The following ZNF423 variants were observed in gnomAD, a reference collection of about 807,000 sequenced individuals.
ZNF423 encodes the protein zinc finger protein 423, also known as Ebf-associated zinc finger protein.
In ZNF423, 12 loss-of-function variants were observed where a neutral mutation model predicts 95.8. That is an observed-to-expected ratio of 0.13 (90% CI 0.08 to 0.20). ZNF423 has a LOEUF of 0.20. Ranked by LOEUF, ZNF423 falls within the 10% of genes least tolerant of loss-of-function variation. The pLI is 1.00. For missense variants in ZNF423, 1,316 were observed against 1,737.1 expected, an observed-to-expected ratio of 0.76 and a Z score of 4.31; for synonymous variants, 749 against 711.9, an observed-to-expected ratio of 1.05 and a Z score of -0.83.
intron 2 of ZNF423, chr16:49,764,468 G>A (rs1218550581): frequency 6.5e-6 from 1 of 153,970 alleles, no homozygotes; most frequent in Non-Finnish European, 1.5e-5. Flanking sequence ...AAAACATCTG[G>A]AGTTCATTGC....
chr16:49,851,632 T>C (rs981238275), intron 1 of ZNF423, among the ~76,000 whole-genome samples: 9 of 152,250 alleles, frequency 5.9e-5, no homozygotes, highest in African/African-American at 2.2e-4. Flanking sequence ...CAGGGCTGGC[T>C]GCTTCTTCTG....
intron 5 of ZNF423, among the ~76,000 whole-genome samples, chr16:49,531,786 T>A (rs1968854303): frequency 6.6e-6 from 1 of 152,000 alleles, no homozygotes; most frequent in South Asian, 2.1e-4. Context: ...AGGTGAGTGG[T>A]GATGGAGGAT....
intron 7 of ZNF423, chr16:49,518,665 T>C: frequency 5.3e-6 from 2 of 376,842 alleles, no homozygotes; most frequent in African/African-American, 2.1e-5. Context: ...CTGTTTTCTA[T>C]GGCGATATAT....
chr16:49,543,642 G>A (rs990541193), intron 5 of ZNF423, among the ~76,000 whole-genome samples: 4 of 152,340 alleles, frequency 2.6e-5, no homozygotes, highest in African/African-American at 4.8e-5. Context: ...GGCGCCTGGC[G>A]GGTGGGCGGG....
intron 3 of ZNF423, among the ~76,000 whole-genome samples, chr16:49,662,607 T>A (rs1361419035): frequency 6.6e-6 from 1 of 152,196 alleles, no homozygotes; most frequent in African/African-American, 2.4e-5. Context: ...GGAGACTAAA[T>A]CTTCCTGCTG....
intron 7 of ZNF423, among the ~76,000 whole-genome samples, chr16:49,500,893 C>A (rs1334862416): frequency 1.3e-5 from 2 of 151,022 alleles, no homozygotes; most frequent in Admixed American, 6.6e-5. Flanking sequence ...CAGGGTGAGA[C>A]CTCATTTAAA....
intron 7 of ZNF423, among the ~76,000 whole-genome samples, chr16:49,520,763 C>T (rs1246464200): frequency 1.3e-5 from 2 of 152,204 alleles, no homozygotes; most frequent in South Asian, 2.1e-4. Flanking sequence ...GCCTTCCAGC[C>T]CCAGCTTCTG....
chr16:49,854,648 G>A (rs1597066429), intron 1 of ZNF423: 1 of 985,352 alleles, frequency 1.0e-6, no homozygotes, highest in African/African-American at 1.7e-5. Context: ...CAACCGAGGG[G>A]CTAGAATCGG....
At chr16:49,700,802 G>C (rs2032153890) in intron 3 of ZNF423, among the ~76,000 whole-genome samples, 1 of 152,166 alleles carries the variant, frequency 6.6e-6, no homozygotes, top group Admixed American at 6.5e-5. Flanking sequence ...ACCACAGATG[G>C]TTGAACACCG....
At chr16:49,605,263 T>C (rs1317633644) in intron 5 of ZNF423, among the ~76,000 whole-genome samples, 1 of 152,146 alleles carries the variant, frequency 6.6e-6, no homozygotes, top group African/African-American at 2.4e-5. Context: ...TTTCCAGGCC[T>C]CCTCACACCC....
At chr16:49,563,817 A>G (rs1467735654) in intron 5 of ZNF423, among the ~76,000 whole-genome samples, 1 of 152,254 alleles carries the variant, frequency 6.6e-6, no homozygotes, top group East Asian at 1.9e-4. Context: ...GGAATCCAAG[A>G]AAACATCTGT....
At chr16:49,606,565 G>A (rs1214771541) in intron 5 of ZNF423, among the ~76,000 whole-genome samples, 1 of 152,194 alleles carries the variant, frequency 6.6e-6, no homozygotes, top group Non-Finnish European at 1.5e-5. Flanking sequence ...GGATGCCCAG[G>A]GGGCTCAGGT....
intron 4 of ZNF423, among the ~76,000 whole-genome samples, chr16:49,634,390 T>G (rs1231846625): frequency 6.6e-6 from 1 of 152,108 alleles, no homozygotes; most frequent in African/African-American, 2.4e-5. Context: ...CAGGAAGATA[T>G]CCACGGACGG....
chr16:49,763,148 G>A (rs762172905), intron 2 of ZNF423, among the ~76,000 whole-genome samples: 17 of 152,322 alleles, frequency 1.1e-4, no homozygotes, highest in Admixed American at 8.5e-4. Flanking sequence ...GATTACAGGC[G>A]TGAGTCACTG....
At chr16:49,759,323 C>T (rs978273106) in intron 2 of ZNF423, among the ~76,000 whole-genome samples, 4 of 151,892 alleles carry the variant, frequency 2.6e-5, no homozygotes, top group East Asian at 1.9e-4. Context: ...CGCTTGAACC[C>T]GGGAGGCGGA....
At chr16:49,761,118 C>T (rs1428048899) in intron 2 of ZNF423, among the ~76,000 whole-genome samples, 1 of 152,108 alleles carries the variant, frequency 6.6e-6, no homozygotes, top group Non-Finnish European at 1.5e-5. Flanking sequence ...CACAGTGTGA[C>T]CTGAGAGAGG....
At chr16:49,494,539 T>C (rs1033253118) in intron 7 of ZNF423, among the ~76,000 whole-genome samples, 5 of 152,040 alleles carry the variant, frequency 3.3e-5, no homozygotes, top group African/African-American at 7.2e-5. Flanking sequence ...CACCCAAACA[T>C]TTGTGGGATT....
intron 3 of ZNF423, among the ~76,000 whole-genome samples, chr16:49,721,983 A>T (rs2032879598): frequency 6.6e-6 from 1 of 152,214 alleles, no homozygotes; most frequent in African/African-American, 2.4e-5. Flanking sequence ...AATCAAGTCA[A>T]GGGAGGGATG....
At chr16:49,731,069 T>C in intron 2 of ZNF423, 98 bp from the exon 3 acceptor site, 2 of 1,384,772 alleles carry the variant, frequency 1.4e-6, no homozygotes, top group Non-Finnish European at 2.0e-6. Context: ...ATTTAATTAC[T>C]CTACCTCCCG....
Sources: gnomAD v4.1 joint callset for allele counts (sites outside exome capture counted in the v4.1 genomes callset) on GRCh38, gnomAD v4.1.1 for gene constraint, MANE v1.5 for transcripts, NCBI Gene and HGNC (gene_info 2026-07-23, HGNC 2026-07-21) for gene names.